The following TACR1 variants were observed in gnomAD, a reference collection of about 807,000 sequenced individuals.
The protein encoded by TACR1 is substance-P receptor.
TACR1 carries 25 observed loss-of-function variants against 35.8 expected under a neutral mutation model. The ratio of observed to expected loss-of-function variants is 0.70; its 90% CI spans 0.51 to 0.98. TACR1 has a LOEUF of 0.98. TACR1 is among the 50% of genes least tolerant of loss of function. The probability of loss-of-function intolerance (pLI) is 0.00; values close to 1 mark genes in which losing one functional copy is unlikely to be tolerated. For missense variants in TACR1, 478 were observed against 522.9 expected (o/e 0.91, Z 0.84); for synonymous variants, 195 against 206.7 (o/e 0.94, Z 0.48).
At chr2:75,149,363 C>T (rs565415524) in intron 1 of TACR1, among the ~76,000 whole-genome samples, 3 of 152,280 alleles carry the variant, frequency 2.0e-5, no homozygotes, top group African/African-American at 7.2e-5. Context: ...TTGATTCTTC[C>T]TACCCATGAG....
chr2:75,065,003 C>T (rs3771807), intron 2 of TACR1, among the ~76,000 whole-genome samples: 1 of 152,108 alleles, frequency 6.6e-6, no homozygotes, highest in Non-Finnish European at 1.5e-5. Flanking sequence ...ATTATGCTCC[C>T]TGGTCAGCCT....
At chr2:75,130,726 T>C (rs897172565) in intron 1 of TACR1, among the ~76,000 whole-genome samples, 5 of 152,216 alleles carry the variant, frequency 3.3e-5, no homozygotes, top group African/African-American at 1.2e-4. Context: ...ACTGAACCTG[T>C]GAAAACCAAA....
chr2:75,080,587 G>C (rs577349171), intron 2 of TACR1, among the ~76,000 whole-genome samples: 2 of 152,266 alleles, frequency 1.3e-5, no homozygotes, highest in Admixed American at 1.3e-4. Context: ...ACTTGGTTTA[G>C]GGGGAAATCA....
At chr2:75,074,351 C>T (rs1672936248) in intron 2 of TACR1, among the ~76,000 whole-genome samples, 1 of 152,116 alleles carries the variant, frequency 6.6e-6, no homozygotes, top group Admixed American at 6.5e-5. Flanking sequence ...CTAGCAAGAG[C>T]TCTGTTAAAC....
chr2:75,174,568 T>C (rs1675368411), intron 1 of TACR1, among the ~76,000 whole-genome samples: 1 of 152,210 alleles, frequency 6.6e-6, no homozygotes, highest in Non-Finnish European at 1.5e-5. Context: ...TTCCATTTAA[T>C]ATTTTCAAAC....
chr2:75,075,895 A>G (rs1195233012), intron 2 of TACR1, among the ~76,000 whole-genome samples: 1 of 152,256 alleles, frequency 6.6e-6, no homozygotes, highest in Admixed American at 6.5e-5. Flanking sequence ...TTAGGAATTC[A>G]TAGTTTTTAC....
Position 75,064,047 on chromosome 2 carries a change from C to G in TACR1, c.585-10292G>C, listed in dbSNP as rs182666476. Among the ~76,000 whole-genome samples the G allele has an allele frequency of 2.5e-4, 38 of 151,914 alleles. 1 individual carries two copies. The highest frequency in any genetic ancestry group is 4.6e-4 in the Admixed American group (7 of 15,280). On this transcript the variant is annotated intron_variant, in intron 2 of 4. Transcript: ENST00000305249. ...GTGAATGTTGTTGGTCTGCCTTGGACCTCATGGCCCCCTTACAGATTCTTT... is the reference window on the plus strand; with the variant it reads ...GTGAATGTTGTTGGTCTGCCTTGGAGCTCATGGCCCCCTTACAGATTCTTT...
chr2:75,149,137 G>A (rs1022278032), intron 1 of TACR1, among the ~76,000 whole-genome samples: 34 of 152,080 alleles, frequency 2.2e-4, no homozygotes, highest in African/African-American at 8.0e-4. Flanking sequence ...TTGTAGTATA[G>A]TATGAAGTCA....
At chr2:75,050,120 G>T (rs1672438441) in intron 4 of TACR1, among the ~76,000 whole-genome samples, 1 of 152,202 alleles carries the variant, frequency 6.6e-6, no homozygotes, top group South Asian at 2.1e-4. Flanking sequence ...TCAAGATTCA[G>T]TCCTTCCCCT....
intron 1 of TACR1, among the ~76,000 whole-genome samples, chr2:75,192,519 G>A (rs1675870154): frequency 6.6e-6 from 1 of 152,180 alleles, no homozygotes; most frequent in Non-Finnish European, 1.5e-5. Context: ...TTGAGGGGTT[G>A]AACTTTTATT....
intron 1 of TACR1, among the ~76,000 whole-genome samples, chr2:75,134,215 T>C (rs531461526): frequency 7.9e-5 from 12 of 152,324 alleles, no homozygotes; most frequent in East Asian, 5.8e-4. Context: ...TAAACTTGCT[T>C]TCACTTTATG....
chr2:75,183,608 G>A (rs1030127808), intron 1 of TACR1, among the ~76,000 whole-genome samples: 4 of 152,154 alleles, frequency 2.6e-5, no homozygotes, highest in African/African-American at 7.2e-5. Flanking sequence ...ATGGAGTACC[G>A]AAGTTCTGCT....
chr2:75,197,656 T>C lies in TACR1; in HGVS notation c.389+890A>G, dbSNP rs116553910. Among the ~76,000 whole-genome samples the C allele has an allele frequency of 3.7e-3, 561 of 152,296 alleles. 3 individuals carry two copies. The highest frequency in any genetic ancestry group is 0.013 in the African/African-American group (535 of 41,562). On this transcript the variant is annotated intron_variant, in intron 1 of 4. Coordinates refer to ENST00000305249, the MANE Select transcript of TACR1 (RefSeq NM_001058.4). ...CATTCCAGAATACCATCCCCAGTGT[T>C]TGAAATGCCAACCTTTTCACTTTCA... is the stretch of plus-strand genomic sequence containing the variant.
intron 1 of TACR1, among the ~76,000 whole-genome samples, chr2:75,125,738 C>T (rs1163871232): frequency 1.3e-5 from 2 of 152,174 alleles, no homozygotes; most frequent in African/African-American, 2.4e-5. Context: ...AATTATTGCT[C>T]AAAGTGTTTT....
chr2:75,161,040 A>G (rs1217083665), intron 1 of TACR1, among the ~76,000 whole-genome samples: 1 of 151,944 alleles, frequency 6.6e-6, no homozygotes, highest in Non-Finnish European at 1.5e-5. Flanking sequence ...AATCTTATAG[A>G]GTGATAATTG....
At chr2:75,167,944 C>A (rs1675185061) in intron 1 of TACR1, among the ~76,000 whole-genome samples, 1 of 151,958 alleles carries the variant, frequency 6.6e-6, no homozygotes, top group Admixed American at 6.6e-5. Flanking sequence ...ATACATGGTC[C>A]CCAGTTGCCA....
chr2:75,115,083 ACGTGTGTGTG>A (rs1308309617), intron 2 of TACR1, among the ~76,000 whole-genome samples: 1 of 79,720 alleles, frequency 1.3e-5, no homozygotes, highest in African/African-American at 7.1e-5. Flanking sequence ...TTGTTAACAT[ACGTGTGTGTG>A]TGTGTGTGTG....
intron 1 of TACR1, among the ~76,000 whole-genome samples, chr2:75,198,001 G>GAACC (rs1321109116): frequency 6.6e-6 from 1 of 152,054 alleles, no homozygotes; most frequent in East Asian, 1.9e-4. Flanking sequence ...ACAAACCAAC[G>GAACC]AACCAACCAA....
intron 1 of TACR1, among the ~76,000 whole-genome samples, chr2:75,150,440 C>T (rs935400884): frequency 6.6e-6 from 1 of 152,090 alleles, no homozygotes; most frequent in East Asian, 1.9e-4. Context: ...CCATGCTTTT[C>T]TTGTGATAGT....
Sources: gnomAD v4.1 joint callset for allele counts (sites outside exome capture counted in the v4.1 genomes callset) on GRCh38, gnomAD v4.1.1 for gene constraint, MANE v1.5 for transcripts, NCBI Gene and HGNC (gene_info 2026-07-23, HGNC 2026-07-21) for gene names.